Variants in COL27A1 observed in about 807,000 individuals in gnomAD.
The protein encoded by COL27A1 is collagen alpha-1(XXVII) chain.
A neutral mutation model predicts 251.3 loss-of-function variants in COL27A1; 106 were observed. The observed-to-expected ratio is 0.42, with a 90% CI of 0.36 to 0.50. The LOEUF is 0.50. Ranked by LOEUF, COL27A1 falls within the 20% of genes least tolerant of loss-of-function variation. The pLI is 0.00. For synonymous variants in COL27A1, 1,000 were observed against 986.3 expected (o/e 1.01, Z -0.26); for missense variants, 2,325 against 2,522.8 (o/e 0.92, Z 1.68).
chr9:114,230,944 G>C lies in COL27A1; in HGVS notation c.2467-135G>C, dbSNP rs1831899849. 1.4e-5 allele frequency: 9 copies of C among 633,838 alleles called. No individual in the cohort carries two copies. In the South Asian group the frequency reaches 2.1e-4, roughly 15 times the overall value. The allele number at this position is 633,838 out of a possible 1,614,324, so 39.3% of individuals were successfully genotyped here. On this transcript the variant is annotated intron_variant, in intron 14 of 60. Coordinates refer to ENST00000356083, the MANE Select transcript of COL27A1 (RefSeq NM_032888.4). Reference sequence around the variant, plus strand: ...AGGTCTCTGGATGAAGAACATTCCAGATTCCAAGATCAATCCTACAGAGTT... The same window carrying C: ...AGGTCTCTGGATGAAGAACATTCCACATTCCAAGATCAATCCTACAGAGTT...
chr9:114,205,647 A>T, intron 8 of COL27A1, 112 bp from the exon 9 acceptor site: 1 of 991,812 alleles, frequency 1.0e-6, no homozygotes, highest in Non-Finnish European at 1.6e-6. Context: ...GTTCCATCTC[A>T]CATTCCTGCC....
intron 3 of COL27A1, among the ~76,000 whole-genome samples, chr9:114,172,158 A>T (rs573617364): frequency 3.9e-5 from 6 of 152,332 alleles, no homozygotes; most frequent in Admixed American, 2.0e-4. Context: ...TGTGTAGCAG[A>T]TGGCAACCTG....
At chr9:114,268,627 G>A (rs1430577525) in intron 34 of COL27A1, among the ~76,000 whole-genome samples, 2 of 152,172 alleles carry the variant, frequency 1.3e-5, no homozygotes, top group East Asian at 3.8e-4. Flanking sequence ...ACGAGAGCTT[G>A]GGCTCCTTAC....
At chr9:114,207,848 A>G (rs939075577) in intron 10 of COL27A1, among the ~76,000 whole-genome samples, 6 of 152,284 alleles carry the variant, frequency 3.9e-5, no homozygotes, top group Middle Eastern at 3.4e-3. Context: ...GATAAGCACT[A>G]TTTGGAATGG....
At chr9:114,252,100 A>C (rs972793070) in intron 25 of COL27A1, among the ~76,000 whole-genome samples, 1 of 152,232 alleles carries the variant, frequency 6.6e-6, no homozygotes, top group Middle Eastern at 3.4e-3. Context: ...TACACTGCCA[A>C]CTCTGCCCAG....
chr9:114,259,418 C>T (rs1421449662), intron 28 of COL27A1, among the ~76,000 whole-genome samples: 2 of 152,232 alleles, frequency 1.3e-5, no homozygotes, highest in Non-Finnish European at 2.9e-5. Flanking sequence ...TAATCCTCAA[C>T]ACTACCCTGT....
rs1236376372 is a variant in COL27A1 at position 114,290,497 on chromosome 9, G to A, written c.4368+166G>A. Among the ~76,000 whole-genome samples the A allele has an allele frequency of 6.6e-6, 1 of 152,108 alleles. No individual in the cohort carries two copies. The highest frequency in any genetic ancestry group is 2.4e-5 in the African/African-American group (1 of 41,416). ...GCAACCATCTCCTCCCCTGGCACCT[G>A]GGAGTGTGGACCTTCTGACTGTCTC... On this transcript the variant is annotated intron_variant, in intron 47 of 60. Transcript: ENST00000356083. The surrounding 1 kb of genome is among the most constrained non-coding windows in gnomAD (Gnocchi z 4.6).
intron 27 of COL27A1, among the ~76,000 whole-genome samples, chr9:114,257,429 G>C (rs10982125): frequency 0.055 from 8,383 of 152,012 alleles, 343 homozygotes; most frequent in African/African-American, 0.11. Context: ...TGTTCCCTCC[G>C]TTCCCACCCT....
At chr9:114,292,246 C>T in intron 49 of COL27A1, 36 bp downstream of exon 49, 1 of 1,456,810 alleles carries the variant, frequency 6.9e-7, no homozygotes, top group East Asian at 2.5e-5. Flanking sequence ...TGCCCACGCA[C>T]TCACACATGC....
rs1829475294 is a variant in COL27A1 at position 114,311,933 on chromosome 9, A to G, written c.*1238A>G. The G allele has an allele frequency of 6.6e-6, 1 of 152,164 alleles. No individual in the cohort carries two copies. 9.4% of individuals were successfully genotyped at this position (152,164 alleles called of 1,614,324 possible). A position where few individuals can be genotyped will look rare whatever the true frequency, so the allele number is the denominator to read the frequency against. On this transcript the variant is annotated 3_prime_UTR_variant, in exon 61 of 61. Coordinates refer to ENST00000356083, the MANE Select transcript of COL27A1 (RefSeq NM_032888.4). ...ATGCAATCATCGTTCCTGCTTTTTC[A>G]TTGTCATTAAATTCTGTAGAAACCC...
chr9:114,178,400 C>T (rs1588595788), intron 4 of COL27A1, 56 bp downstream of exon 4: 1 of 1,505,510 alleles, frequency 6.6e-7, no homozygotes, highest in Non-Finnish European at 9.2e-7. Context: ...GCCTGCGTCT[C>T]ACTGCCCCTG....
At chr9:114,262,254 G>GTGAGCC (rs1246494657) in intron 28 of COL27A1, among the ~76,000 whole-genome samples, 1 of 152,208 alleles carries the variant, frequency 6.6e-6, no homozygotes, top group East Asian at 1.9e-4. Context: ...CAGTGTCCAC[G>GTGAGCC]TGAGCCTGAG....
intron 7 of COL27A1, among the ~76,000 whole-genome samples, chr9:114,197,074 G>C (rs1440267568): frequency 6.6e-6 from 1 of 152,200 alleles, no homozygotes; most frequent in Non-Finnish European, 1.5e-5. Context: ...TCAGGAAATG[G>C]GGGGAAGGCA....
intron 49 of COL27A1, among the ~76,000 whole-genome samples, chr9:114,297,336 G>C (rs1828323685): frequency 1.3e-5 from 2 of 152,144 alleles, no homozygotes; most frequent in South Asian, 4.1e-4. Context: ...TGTGAAGCCA[G>C]TATTATCCTG....
At position 114,270,719 on chromosome 9, in the gene COL27A1, CT is replaced by C; in HGVS notation, c.3556-5del. The C allele has an allele frequency of 1.9e-6, 3 of 1,608,016 alleles. No homozygotes were observed. Among genetic ancestry groups the C allele is most frequent in the Non-Finnish European group, 2.6e-6 (3 of 1,175,786 alleles). ...ACATCTCCTCCTCTTTCTCCATCAC[CT>C]TTTCCAGGGAGAGCCAGGCCTTGAG... On this transcript the variant is annotated splice_polypyrimidine_tract_variant and splice_region_variant and intron_variant, in intron 35 of 60. Transcript: ENST00000356083.
At chr9:114,173,039 G>A (rs935780279) in intron 3 of COL27A1, among the ~76,000 whole-genome samples, 3 of 152,256 alleles carry the variant, frequency 2.0e-5, no homozygotes, top group Non-Finnish European at 4.4e-5. Context: ...CAGAGGCAGA[G>A]ACAGAGTTCT....
chr9:114,270,470 TGCAGAGGGA>T (rs1355515985), intron 35 of COL27A1, among the ~76,000 whole-genome samples: 1 of 152,226 alleles, frequency 6.6e-6, no homozygotes, highest in East Asian at 1.9e-4. Flanking sequence ...CACGTCACCC[TGCAGAGGGA>T]GCTGTCGGTA....
At chr9:114,298,645 T>C (rs1828409303) in intron 49 of COL27A1, among the ~76,000 whole-genome samples, 1 of 152,168 alleles carries the variant, frequency 6.6e-6, no homozygotes, top group South Asian at 2.1e-4. Flanking sequence ...ATGCAAAAAT[T>C]AGCTAAAAAT....
At chr9:114,235,970 A>T (rs1010287047) in intron 17 of COL27A1, among the ~76,000 whole-genome samples, 1 of 151,984 alleles carries the variant, frequency 6.6e-6, no homozygotes, top group Non-Finnish European at 1.5e-5. Flanking sequence ...TGCTCTCAGA[A>T]TGACACCCTG....
Sources: allele counts gnomAD v4.1 joint callset (sites outside exome capture counted in the v4.1 genomes callset), GRCh38; gene constraint gnomAD v4.1.1; non-coding constraint Gnocchi (gnomAD v3.1); transcripts MANE v1.5; gene names NCBI Gene and HGNC (gene_info 2026-07-23, HGNC 2026-07-21).